SLC66A1: variants seen among roughly 807,000 people sequenced by gnomAD.
SLC66A1 encodes lysosomal amino acid transporter 1 homolog.
Under a neutral mutation model 33.0 loss-of-function variants are expected in SLC66A1, and 23 were observed. The ratio of observed to expected loss-of-function variants is 0.70; its 90% confidence interval spans 0.50 to 0.99. The LOEUF is 0.99. Ranked by LOEUF, SLC66A1 falls within the 50% of genes least tolerant of loss-of-function variation. The pLI, the probability that SLC66A1 is intolerant of heterozygous loss-of-function variation, is 0.00. For synonymous variants in SLC66A1, 164 were observed against 175.5 expected (o/e 0.93, Z 0.52); for missense variants, 335 against 383.6 (o/e 0.87, Z 1.06).
In SLC66A1 at chr1:19,325,596, C is replaced by T; in HGVS notation, c.382+14C>T. 5 of 1,491,316 alleles carry T rather than the reference C, an allele frequency of 3.4e-6. No individual in the cohort carries two copies. Among genetic ancestry groups the T allele is most frequent in the Non-Finnish European group, 4.6e-6 (5 of 1,080,308 alleles). The allele number at this position is 1,491,316 out of a possible 1,614,324, so 92.4% of individuals were successfully genotyped here. ...GCCCCTCTCTGTGTGAGTATGGGGA[C>T]CGCTCTCTGTCAGATGCTCTACCAG... is the stretch of plus-strand genomic sequence containing the variant. On this transcript the variant is annotated intron_variant, in intron 4 of 7. Coordinates refer to ENST00000375153, the MANE Select transcript of SLC66A1 (RefSeq NM_001040125.2).
intron 7 of SLC66A1, 65 bp downstream of exon 7, chr1:19,327,477 G>A: frequency 6.6e-7 from 1 of 1,521,066 alleles, no homozygotes; most frequent in Non-Finnish European, 8.9e-7. Context: ...CCTGCACACA[G>A]CGTCAGCACT....
Position 19,324,777 on chromosome 1 carries a change from G to A in SLC66A1, c.294+15G>A, listed in dbSNP as rs752677379. 1.5e-5 allele frequency: 24 copies of A among 1,613,376 alleles called. No individual in the cohort carries two copies. The East Asian group carries it at 1.6e-4, about 10-fold the overall frequency. ...TGCCCCTGCAGGTGGGCCGGTACCC[G>A]GGCAAGGTGGCGCTACCCCTAACCC... is the stretch of plus-strand genomic sequence containing the variant. On this transcript the variant is annotated intron_variant, in intron 3 of 7. Transcript: ENST00000375153.
rs2093854706 is a variant in SLC66A1, at chr1:19,324,720, C to T, written c.252C>T (p.Cys84=). ...TGGGCTGGATTGGCGGAGACTCCTG[C>T]AACCTCATCGGCTCCTTCCTTGCTG... is the stretch of plus-strand genomic sequence containing the variant. ...FLLGWIGGDS[C]NLIGSFLADQ... Residue 84 remains cysteine, a synonymous_variant, in exon 3 of 8, where the codon TGC becomes TGT. Transcript: ENST00000375153. The T allele has an allele frequency of 6.2e-7, 1 of 1,614,034 alleles. No individual in the cohort carries two copies. The highest frequency in any genetic ancestry group is 1.7e-5 in the Admixed American group (1 of 60,014).
chr1:19,315,026 G>A (rs146312505), intron 1 of SLC66A1, among the ~76,000 whole-genome samples: 499 of 152,258 alleles, frequency 3.3e-3, no homozygotes, highest in Middle Eastern at 6.8e-3. Flanking sequence ...TCCTGCCTCA[G>A]CCTCCTGAGT....
At chr1:19,324,287 G>T (rs887775325) in intron 2 of SLC66A1, among the ~76,000 whole-genome samples, 1 of 152,238 alleles carries the variant, frequency 6.6e-6, no homozygotes, top group Admixed American at 6.5e-5. Context: ...TCTATGCAGC[G>T]GTTGTCAGGG....
rs531426582 is a variant in SLC66A1, at chr1:19,324,526, C to T, written c.165-107C>T. 9.2e-6 allele frequency: 13 copies of T among 1,407,062 alleles called. No individual in the cohort carries two copies. In the East Asian group the frequency reaches 2.1e-4, roughly 22 times the overall value. The allele number at this position is 1,407,062 out of a possible 1,614,324, so 87.2% of individuals were successfully genotyped here. A position where few individuals can be genotyped will look rare whatever the true frequency, so the allele number is the denominator to read the frequency against. ...GGCCGCCAGGCCACTTCCTCTCCATCGCCGCCTCGATCCCCATGGTCGTCT... is the reference window on the plus strand; with the variant it reads ...GGCCGCCAGGCCACTTCCTCTCCATTGCCGCCTCGATCCCCATGGTCGTCT... On this transcript the variant is annotated intron_variant, in intron 2 of 7. Coordinates refer to ENST00000375153, the MANE Select transcript of SLC66A1 (RefSeq NM_001040125.2).
At chr1:19,331,467 C>G (rs2093892381), downstream of SLC66A1, among the ~76,000 whole-genome samples, 1 of 152,164 alleles carries the variant, frequency 6.6e-6, no homozygotes, top group Non-Finnish European at 1.5e-5. Flanking sequence ...CCCCTTCCTC[C>G]ATCCTTGCTG....
Position 19,327,367 on chromosome 1 carries a change from G to C in SLC66A1, c.759G>C (p.Leu253=). 6.2e-7 allele frequency: 1 copy of C among 1,606,962 alleles called. No homozygotes were observed. The highest frequency in any genetic ancestry group is 8.5e-7 in the Non-Finnish European group (1 of 1,176,324). The change falls in exon 7 of 8, where the codon CTG becomes CTC. Residue 253 remains leucine (L), a synonymous_variant. Transcript: ENST00000375153. The part of the protein sequence containing the change: ...QSEGSYLLHH[L]PWLVGSLGVL... ...AGGGCAGCTACCTGCTGCACCACCTGCCCTGGCTTGTGGGCAGCCTGGGCG... is the reference window on the plus strand; with the variant it reads ...AGGGCAGCTACCTGCTGCACCACCTCCCCTGGCTTGTGGGCAGCCTGGGCG...
chr1:19,326,728 G>C (rs1569799153), intron 6 of SLC66A1, 105 bp downstream of exon 6: 1 of 1,227,110 alleles, frequency 8.1e-7, no homozygotes, highest in East Asian at 2.4e-5. Flanking sequence ...CCTTGGTTCA[G>C]AAAGTCTGGT....
At chr1:19,323,626 C>T (rs2093848574) in intron 2 of SLC66A1, among the ~76,000 whole-genome samples, 1 of 152,042 alleles carries the variant, frequency 6.6e-6, no homozygotes, top group African/African-American at 2.4e-5. Flanking sequence ...AGGCTGGTCT[C>T]GAACTTCTGG....
chr1:19,314,792 T>C (rs1569726049), intron 1 of SLC66A1, among the ~76,000 whole-genome samples: 2 of 152,020 alleles, frequency 1.3e-5, no homozygotes. Flanking sequence ...TGCAAGGGGG[T>C]GTGGGGGTGC....
chr1:19,324,831 G>T, intron 3 of SLC66A1, 69 bp downstream of exon 3: 2 of 1,577,202 alleles, frequency 1.3e-6, no homozygotes, highest in Non-Finnish European at 1.7e-6. Flanking sequence ...TGCCTGAGGA[G>T]ATGCCAGGCT....
In SLC66A1 at chr1:19,325,599, C is replaced by A; in HGVS notation, c.382+17C>A. The stretch of plus-strand genomic sequence containing the variant: ...CCTCTCTGTGTGAGTATGGGGACCG[C>A]TCTCTGTCAGATGCTCTACCAGCAG... On this transcript the variant is annotated intron_variant, in intron 4 of 7. Coordinates refer to ENST00000375153, the MANE Select transcript of SLC66A1 (RefSeq NM_001040125.2). 6.5e-7 allele frequency: 1 copy of A among 1,530,062 alleles called. No homozygotes were observed. The highest frequency in any genetic ancestry group is 1.1e-5 in the South Asian group (1 of 89,308). The allele number at this position is 1,530,062 out of a possible 1,614,324, so 94.8% of individuals were successfully genotyped here. A position where few individuals can be genotyped will look rare whatever the true frequency, so the allele number is the denominator to read the frequency against.
At position 19,328,625 on chromosome 1, in the gene SLC66A1, G is replaced by GC. The variant is rs1269718507; in HGVS notation, c.862dup (p.Leu288ProfsTer30). On this transcript the variant is annotated frameshift_variant, in exon 8 of 8. Transcript: ENST00000375153. LOFTEE classifies it high-confidence loss of function. The surrounding 1 kb of genome is among the most constrained non-coding windows in gnomAD (Gnocchi z 4.7). ...GCAGCACCGCCGCCTCGGAGCTTGA[G>GC]CCCCTCCTCCCCAGCTGACCAGAAC... The GC allele has an allele frequency of 6.2e-7, 1 of 1,613,800 alleles. No homozygotes were observed. The highest frequency in any genetic ancestry group is 8.5e-7 in the Non-Finnish European group (1 of 1,179,964).
At chr1:19,320,695 G>T (rs375981131) in intron 2 of SLC66A1, among the ~76,000 whole-genome samples, 2 of 150,580 alleles carry the variant, frequency 1.3e-5, no homozygotes, top group Non-Finnish European at 2.9e-5. Flanking sequence ...GATTACAGGC[G>T]TGAGCCACCG....
At chr1:19,326,166 G>A in intron 4 of SLC66A1, 79 bp from the exon 5 acceptor site, 3 of 1,414,480 alleles carry the variant, frequency 2.1e-6, no homozygotes, top group Non-Finnish European at 2.9e-6. Flanking sequence ...TGAGGGGCAA[G>A]GCCAGGACTT....
downstream of SLC66A1, among the ~76,000 whole-genome samples, chr1:19,331,616 C>G (rs1404530471): frequency 6.6e-6 from 1 of 152,218 alleles, no homozygotes; most frequent in Non-Finnish European, 1.5e-5. Context: ...ATAAGTTACC[C>G]CCAGGCCCGA....
Position 19,317,769 on chromosome 1 carries a change from A to G in SLC66A1, c.92A>G (p.Gln31Arg). 1.9e-6 allele frequency: 3 copies of G among 1,614,198 alleles called. No homozygotes were observed. Among genetic ancestry groups the G allele is most frequent in the Non-Finnish European group, 2.5e-6 (3 of 1,180,034 alleles). ...TGGGATGTGTTGGGTGAATGTGCCCAGGACGGCTGGGACGAGGCCAGCGTG... is the reference window on the plus strand; with the variant it reads ...TGGGATGTGTTGGGTGAATGTGCCCGGGACGGCTGGGACGAGGCCAGCGTG... ...WIWDVLGECA[Q>R]DGWDEASVGL... The change falls in exon 2 of 8, where the codon CAG (glutamine) becomes CGG (arginine). Residue 31 changes from glutamine to arginine, a missense_variant. Gln to Arg is a conservative substitution (Grantham distance 43). Coordinates refer to ENST00000375153, the MANE Select transcript of SLC66A1 (RefSeq NM_001040125.2).
At chr1:19,327,713 G>T in intron 7 of SLC66A1, 1 of 565,894 alleles carries the variant, frequency 1.8e-6, no homozygotes, top group Non-Finnish European at 3.5e-6. Flanking sequence ...TTACTTCATT[G>T]CAGTGGCACC....
Sources: allele counts gnomAD v4.1 joint callset (sites outside exome capture counted in the v4.1 genomes callset), GRCh38; gene constraint gnomAD v4.1.1; non-coding constraint Gnocchi (gnomAD v3.1); transcripts MANE v1.5; gene names NCBI Gene and HGNC (gene_info 2026-07-23, HGNC 2026-07-21).